The following MAEL variants were observed in gnomAD, a reference collection of about 807,000 sequenced individuals.
MAEL encodes the protein maelstrom spermatogenic transposon silencer.
Under a neutral mutation model 62.0 loss-of-function variants are expected in MAEL, and 46 were observed. The observed-to-expected ratio is 0.74, with a 90% CI of 0.59 to 0.95. The LOEUF is 0.95. Ranked by LOEUF, MAEL falls within the 40% of genes least tolerant of loss-of-function variation. MAEL has a pLI of 0.00. For missense variants in MAEL, 497 were observed against 526.8 expected (o/e 0.94, Z 0.55); for synonymous variants, 172 against 175.5 (o/e 0.98, Z 0.16).
chr1:166,980,177 C>T lies in MAEL; in HGVS notation c.-121+4511C>T, dbSNP rs12031013. On this transcript the variant is annotated intron_variant, in intron 1 of 12. Transcript: ENST00000622874. ...GGACTGCAAGTGCATGCCACCATGC[C>T]CAGCTAATTTTTAATTTGTATTTTT... 2.2e-3 allele frequency among the ~76,000 whole-genome samples: 333 copies of T among 152,040 alleles called. 6 individuals carry two copies. The highest frequency in any genetic ancestry group is 0.016 in the East Asian group (84 of 5,162).
At position 167,005,242 on chromosome 1, in the gene MAEL, T is replaced by C; in HGVS notation, c.704-14T>C. ...TTTACTAATTGTATGTGTTTTTCCATTTACTAATGGAAGAAATCAGGCAAG... is the reference window on the plus strand; with the variant it reads ...TTTACTAATTGTATGTGTTTTTCCACTTACTAATGGAAGAAATCAGGCAAG... On this transcript the variant is annotated splice_polypyrimidine_tract_variant and intron_variant, in intron 7 of 11. Transcript: ENST00000367872. The C allele has an allele frequency of 6.2e-7, 1 of 1,612,054 alleles. No homozygotes were observed. Among genetic ancestry groups the C allele is most frequent in the East Asian group, 2.2e-5 (1 of 44,848 alleles).
chr1:166,992,563 G>A (rs1233522700), intron 3 of MAEL, 123 bp from the exon 4 acceptor site: 7 of 617,566 alleles, frequency 1.1e-5, no homozygotes, highest in African/African-American at 3.9e-5. Flanking sequence ...AGCTCATTTA[G>A]GAATATAGGA....
chr1:166,977,228 A>G (rs1488843832), intron 1 of MAEL, among the ~76,000 whole-genome samples: 1 of 152,184 alleles, frequency 6.6e-6, no homozygotes, highest in Non-Finnish European at 1.5e-5. Flanking sequence ...ATATCCTTTC[A>G]TAAACTCTTT....
At chr1:167,020,262 C>T (rs1557990027) in intron 10 of MAEL, among the ~76,000 whole-genome samples, 1 of 152,138 alleles carries the variant, frequency 6.6e-6, no homozygotes, top group South Asian at 2.1e-4. Flanking sequence ...CTTGGCCTAT[C>T]TTTTCCACTG....
intron 5 of MAEL, among the ~76,000 whole-genome samples, chr1:166,998,850 C>T (rs1025543872): frequency 1.4e-4 from 21 of 152,228 alleles, no homozygotes; most frequent in African/African-American, 4.1e-4. Context: ...TGGTAATTCT[C>T]GCAATATTTC....
At chr1:167,019,717 C>T (rs1191848910) in intron 10 of MAEL, among the ~76,000 whole-genome samples, 1 of 151,994 alleles carries the variant, frequency 6.6e-6, no homozygotes, top group Non-Finnish European at 1.5e-5. Context: ...ATAGTCTCCC[C>T]AAAATTCCTA....
upstream of MAEL, among the ~76,000 whole-genome samples, chr1:166,987,882 C>T (rs1174740685): frequency 2.6e-5 from 4 of 152,102 alleles, no homozygotes; most frequent in South Asian, 4.1e-4. Context: ...AACCCTGATA[C>T]CAATATTTGG....
chr1:166,992,896 A>T, intron 4 of MAEL, 55 bp downstream of exon 4: 1 of 1,386,954 alleles, frequency 7.2e-7, no homozygotes. Context: ...TTTTTTTTAA[A>T]TCTTGACTTT....
Position 166,994,081 on chromosome 1 carries a change from G to T in MAEL, c.523+12G>T, listed in dbSNP as rs1390654193. On this transcript the variant is annotated intron_variant, in intron 5 of 11. Coordinates refer to ENST00000367872, the MANE Select transcript of MAEL (RefSeq NM_032858.3). ...TTGTCAGGCTGCAAGTAAGTATAAA[G>T]GAATGGGGTAGGATTTGTGACTTGA... 1 of 1,611,310 alleles carries T rather than the reference G, an allele frequency of 6.2e-7. No homozygotes were observed. The highest frequency in any genetic ancestry group is 8.5e-7 in the Non-Finnish European group (1 of 1,178,126).
chr1:166,991,798 C>T (rs548230282), intron 3 of MAEL, among the ~76,000 whole-genome samples: 5 of 152,006 alleles, frequency 3.3e-5, no homozygotes, highest in African/African-American at 9.6e-5. Context: ...GGTGGAAGAA[C>T]GTTTTCAGAT....
chr1:167,005,098 A>G lies in MAEL; in HGVS notation c.671A>G (p.Asn224Ser), dbSNP rs370371545. 4 of 1,613,462 alleles carry G rather than the reference A, an allele frequency of 2.5e-6. No individual in the cohort carries two copies. Among genetic ancestry groups the G allele is most frequent in the African/African-American group, 2.7e-5 (2 of 74,876 alleles). Residue 224 changes from asparagine (N) to serine (S), a missense_variant, in exon 7 of 12, where the codon AAC becomes AGC. Physicochemically the swap from Asn to Ser is conservative, Grantham distance 46 (BLOSUM62 1). Coordinates refer to ENST00000367872, the MANE Select transcript of MAEL (RefSeq NM_032858.3). ...CAGTCTGATGATAGAACCAGAGTCA[A>G]CTGGTGTTTGAAGCATATGGCAAAG... ...YCKSDDRTRV[N>S]WCLKHMAKAS...
rs910124615 is a variant in MAEL at position 167,021,805 on chromosome 1, C to G, written c.1255C>G (p.Pro419Ala). ...KFSNCDTSLSPYMSQKDGYKS... is the reference protein window; with the variant it reads ...KFSNCDTSLSAYMSQKDGYKS... ...CTCCAACTGTGACACTTCACTCTCA[C>G]CTTACATGTCCCAAAAAGATGGATA... The change falls in exon 12 of 12, where the codon CCT becomes GCT. Residue 419 changes from proline (P) to alanine (A), a missense_variant. Transcript: ENST00000367872. 1.9e-6 allele frequency: 3 copies of G among 1,611,786 alleles called. No individual in the cohort carries two copies. The highest frequency in any genetic ancestry group is 1.1e-5 in the South Asian group (1 of 90,814).
rs540910388 is a variant in MAEL, at chr1:166,978,655, T to C, written c.-121+2989T>C. 3.3e-5 allele frequency among the ~76,000 whole-genome samples: 5 copies of C among 152,330 alleles called. No individual in the cohort carries two copies. In the South Asian group the frequency reaches 8.3e-4, roughly 25 times the overall value. On this transcript the variant is annotated intron_variant, in intron 1 of 12. Transcript: ENST00000622874. ...AACCACTTTCCCCAGGTGCTTCCAA[T>C]GCACAGTAATGTTTAAGAAGCAATA... is the stretch of plus-strand genomic sequence containing the variant.
intron 5 of MAEL, 86 bp from the exon 6 acceptor site, chr1:167,004,094 C>G: frequency 1.7e-6 from 2 of 1,187,620 alleles, no homozygotes; most frequent in East Asian, 2.4e-5. Context: ...TTACCCACTA[C>G]TCTCTTCTTG....
intron 5 of MAEL, among the ~76,000 whole-genome samples, chr1:166,996,070 T>C (rs1664411622): frequency 6.6e-6 from 1 of 152,220 alleles, no homozygotes; most frequent in Non-Finnish European, 1.5e-5. Flanking sequence ...GTGTCTTAAA[T>C]TGCCAATTTG....
At chr1:167,006,219 T>C (rs1165368680) in intron 8 of MAEL, 2 of 152,180 alleles carry the variant, frequency 1.3e-5, no homozygotes, top group East Asian at 1.9e-4. Flanking sequence ...GTATTAGTTA[T>C]TCCACTGTGT....
intron 8 of MAEL, among the ~76,000 whole-genome samples, chr1:167,008,525 CTT>C (rs1007795550): frequency 1.3e-5 from 2 of 151,810 alleles, no homozygotes; most frequent in African/African-American, 4.8e-5. Flanking sequence ...AATGTGTTGT[CTT>C]TTTTAATTTT....
intron 8 of MAEL, among the ~76,000 whole-genome samples, chr1:167,010,240 A>G (rs947301588): frequency 2.0e-5 from 3 of 152,142 alleles, no homozygotes; most frequent in Non-Finnish European, 1.5e-5. Context: ...AAATTTCCTG[A>G]GGCCTCCCCA....
intron 1 of MAEL, among the ~76,000 whole-genome samples, chr1:166,977,962 C>A (rs1331093058): frequency 6.6e-6 from 1 of 151,826 alleles, no homozygotes; most frequent in Non-Finnish European, 1.5e-5. Context: ...AAAAAAATGG[C>A]ATTTTATGCA....
Sources: gnomAD v4.1 joint callset for allele counts (sites outside exome capture counted in the v4.1 genomes callset) on GRCh38, gnomAD v4.1.1 for gene constraint, MANE v1.5 for transcripts, NCBI Gene and HGNC (gene_info 2026-07-23, HGNC 2026-07-21) for gene names.